Variants in TOPAZ1 observed in about 807,000 individuals in gnomAD.
TOPAZ1 encodes testis and ovary specific TOPAZ 1.
In TOPAZ1, 66 loss-of-function variants were observed where a neutral mutation model predicts 172.2. The observed-to-expected ratio is 0.38, with a 90% confidence interval of 0.31 to 0.47. The LOEUF (loss-of-function observed/expected upper bound fraction) is 0.47. Among genes scored for constraint, TOPAZ1 ranks in the 20% least tolerant of loss-of-function variants. The pLI is 0.99. For synonymous variants in TOPAZ1, 681 were observed against 683.9 expected (o/e 1.00, Z 0.07); for missense variants, 1,822 against 1,972.4 (o/e 0.92, Z 1.44).
chr3:44,260,031 A>G (rs951201980), intron 4 of TOPAZ1, among the ~76,000 whole-genome samples: 1 of 152,062 alleles, frequency 6.6e-6, no homozygotes, highest in Non-Finnish European at 1.5e-5. Context: ...TTCTCATGAA[A>G]TCTGATGGTT....
chr3:44,255,662 A>AAAAAAAAT (rs1244611647), intron 3 of TOPAZ1, among the ~76,000 whole-genome samples: 2 of 80,018 alleles, frequency 2.5e-5, no homozygotes, highest in Non-Finnish European at 4.6e-5. Flanking sequence ...AAAAAAAAAA[A>AAAAAAAAT]ATATATATAC....
Position 44,309,975 on chromosome 3 carries a change from A to G in TOPAZ1, c.4291A>G (p.Ile1431Val). Residue 1431 changes from isoleucine to valine, a missense_variant, in exon 16 of 20, where the codon ATT (isoleucine) becomes GTT (valine). Transcript: ENST00000309765. ...FLKSGSLDGA[I>V]WVMRESEWII... ...AAAAAGTGGAAGCCTAGATGGTGCC[A>G]TTTGGGTAATGAGGGGTAAGTCCTG... 6.5e-7 allele frequency: 1 copy of G among 1,549,216 alleles called. No homozygotes were observed. The highest frequency in any genetic ancestry group is 8.7e-7 in the Non-Finnish European group (1 of 1,146,406).
intron 17 of TOPAZ1, among the ~76,000 whole-genome samples, chr3:44,322,474 T>A (rs988916632): frequency 2.0e-5 from 3 of 152,262 alleles, no homozygotes; most frequent in African/African-American, 7.2e-5. Flanking sequence ...ATGCATCCTC[T>A]GAAATTTTTG....
intron 9 of TOPAZ1, 58 bp from the exon 10 acceptor site, chr3:44,287,331 A>T: frequency 1.0e-6 from 1 of 990,098 alleles, no homozygotes; most frequent in Non-Finnish European, 1.4e-6. Context: ...TATCAAATTT[A>T]AGAAATACAG....
chr3:44,270,437 C>A (rs947864227), intron 7 of TOPAZ1, among the ~76,000 whole-genome samples: 3 of 152,014 alleles, frequency 2.0e-5, no homozygotes, highest in African/African-American at 4.8e-5. Context: ...AAGAGAATAA[C>A]CTTGATGGAA....
At chr3:44,255,243 G>A (rs759464780) in intron 3 of TOPAZ1, among the ~76,000 whole-genome samples, 4 of 152,110 alleles carry the variant, frequency 2.6e-5, no homozygotes, top group Non-Finnish European at 4.4e-5. Flanking sequence ...AAATAACTTT[G>A]TTAGGCTTTA....
chr3:44,276,456 G>A (rs892933974), intron 8 of TOPAZ1, among the ~76,000 whole-genome samples: 32 of 151,754 alleles, frequency 2.1e-4, no homozygotes, highest in African/African-American at 7.7e-4. Context: ...TGTTCTTGGC[G>A]CCTTTGTCAA....
At chr3:44,331,277 C>A (rs1196919783) in intron 19 of TOPAZ1, among the ~76,000 whole-genome samples, 1 of 151,888 alleles carries the variant, frequency 6.6e-6, no homozygotes, top group Non-Finnish European at 1.5e-5. Context: ...GGGTATAAGT[C>A]TTGTTTTGTC....
At chr3:44,301,834 T>C (rs2125698558) in intron 12 of TOPAZ1, among the ~76,000 whole-genome samples, 1 of 152,300 alleles carries the variant, frequency 6.6e-6, no homozygotes, top group East Asian at 1.9e-4. Flanking sequence ...CTGGTGTTTT[T>C]TACCATGCAA....
chr3:44,270,931 T>C, intron 8 of TOPAZ1, 121 bp downstream of exon 8: 2 of 881,846 alleles, frequency 2.3e-6, no homozygotes, highest in South Asian at 2.9e-5. Context: ...GCTTTTGTTC[T>C]TTATATAAAT....
intron 12 of TOPAZ1, among the ~76,000 whole-genome samples, chr3:44,300,612 T>G (rs563700638): frequency 6.6e-6 from 1 of 152,246 alleles, no homozygotes; most frequent in South Asian, 2.1e-4. Context: ...TTAAATATTG[T>G]TAACACCAAA....
rs370374138 is a variant in TOPAZ1, at chr3:44,303,069, T to C, written c.3798-946T>C. Among the ~76,000 whole-genome samples the C allele has an allele frequency of 3.0e-3, 464 of 152,312 alleles. 2 individuals are homozygous for C. The highest frequency in any genetic ancestry group is 0.011 in the African/African-American group (438 of 41,572). The stretch of plus-strand genomic sequence containing the variant: ...GCTGGTCTCAAACTCCTGAGCTCAA[T>C]GGATCTGCCCAACTCGGCCTTCCAG... On this transcript the variant is annotated intron_variant, in intron 12 of 19. Coordinates refer to ENST00000309765, the MANE Select transcript of TOPAZ1 (RefSeq NM_001145030.2).
chr3:44,291,696 A>T (rs1356854790), intron 12 of TOPAZ1, among the ~76,000 whole-genome samples: 2 of 144,632 alleles, frequency 1.4e-5, no homozygotes, highest in African/African-American at 5.1e-5. Flanking sequence ...GCCATGACTT[A>T]AAAAAAAAAA....
Position 44,244,315 on chromosome 3 carries a change from A to T in TOPAZ1, c.1809A>T (p.Arg603Ser), listed in dbSNP as rs1291998613. Residue 603 changes from arginine to serine, a missense_variant, in exon 2 of 20, where the codon AGA (arginine) becomes AGT (serine). Around this residue, in one of 2 missense-constraint regions of TOPAZ1, gnomAD observed 1,489 missense variants for 1,490.8 expected, o/e 1.00. Transcript: ENST00000309765. ...AGATAAAATCAGAGGAACTGAGCAG[A>T]AGAGGGTCAGAGGTAATTTCTAACA... ...DKKIKSEELS[R>S]RGSEVISNTT... The T allele has an allele frequency of 6.4e-7, 1 of 1,550,978 alleles. No individual in the cohort carries two copies. Among genetic ancestry groups the T allele is most frequent in the Non-Finnish European group, 8.7e-7 (1 of 1,146,850 alleles).
At chr3:44,291,205 G>T (rs6441829) in intron 12 of TOPAZ1, among the ~76,000 whole-genome samples, 125,479 of 151,592 alleles carry the variant, frequency 0.83, 51,966 homozygotes, top group Middle Eastern at 0.9. Flanking sequence ...ACCTTAATGC[G>T]TTTTTCTATT....
Position 44,323,105 on chromosome 3 carries a change from C to A in TOPAZ1, c.4485C>A (p.Val1495=). 1 of 1,524,238 alleles carries A rather than the reference C, an allele frequency of 6.6e-7. No homozygotes were observed. Among genetic ancestry groups the A allele is most frequent in the Non-Finnish European group, 8.8e-7 (1 of 1,136,330 alleles). 94.4% of individuals were successfully genotyped at this position (1,524,238 alleles called of 1,614,324 possible). The part of the protein sequence containing the change: ...GFQNSQETVE[V]SQYSLLFNKL... ...TTTTTATTCCAGAAACTGTGGAAGTCTCACAATATAGCCTTCTTTTTAATA... is the reference window on the plus strand; with the variant it reads ...TTTTTATTCCAGAAACTGTGGAAGTATCACAATATAGCCTTCTTTTTAATA... The change falls in exon 18 of 20, where the codon GTC becomes GTA. Residue 1495 remains valine, a synonymous_variant. Transcript: ENST00000309765.
At chr3:44,247,694 A>G (rs1220672919) in intron 2 of TOPAZ1, among the ~76,000 whole-genome samples, 2 of 152,176 alleles carry the variant, frequency 1.3e-5, no homozygotes, top group African/African-American at 4.8e-5. Context: ...TCTGTCACCC[A>G]GGCTGGAGTG....
At position 44,269,246 on chromosome 3, in the gene TOPAZ1, T is replaced by C; in HGVS notation, c.3191T>C (p.Leu1064Pro). 1 of 1,550,088 alleles carries C rather than the reference T, an allele frequency of 6.5e-7. No individual in the cohort carries two copies. The highest frequency in any genetic ancestry group is 2.4e-5 in the East Asian group (1 of 40,890). ...DFRFLGKHSV[L>P]KLQNPETCEI... ...AGATTTCTGGGAAAACATTCTGTCC[T>C]AAAGCTGCAGAATCCTGAAACTTGT... is the stretch of plus-strand genomic sequence containing the variant. The change falls in exon 7 of 20, where the codon CTA (leucine) becomes CCA (proline). Residue 1064 changes from leucine to proline, a missense_variant. This residue lies in a region of TOPAZ1 where 1,489 missense variants were observed against 1,490.8 expected (regional missense o/e 1.00). Coordinates refer to ENST00000309765, the MANE Select transcript of TOPAZ1 (RefSeq NM_001145030.2).
rs1469164069 is a variant in TOPAZ1, at chr3:44,269,205, A to G, written c.3161-11A>G. On this transcript the variant is annotated splice_polypyrimidine_tract_variant and intron_variant, in intron 6 of 19. Coordinates refer to ENST00000309765, the MANE Select transcript of TOPAZ1 (RefSeq NM_001145030.2). ...ATATTGGTGTGTAATGCCACTCTAAATCATTTCTAGATTTCAGATTTCTGG... is the reference window on the plus strand; with the variant it reads ...ATATTGGTGTGTAATGCCACTCTAAGTCATTTCTAGATTTCAGATTTCTGG... The G allele has an allele frequency of 7.3e-6, 11 of 1,497,872 alleles. 1 individual carries two copies. In the South Asian group the frequency reaches 1.1e-4, roughly 15 times the overall value. 92.8% of individuals were successfully genotyped at this position (1,497,872 alleles called of 1,614,324 possible).
Sources: gnomAD v4.1 joint callset for allele counts (sites outside exome capture counted in the v4.1 genomes callset) on GRCh38, gnomAD v4.1.1 for gene constraint, gnomAD v4.1.1 regional missense constraint, MANE v1.5 for transcripts, NCBI Gene and HGNC (gene_info 2026-07-23, HGNC 2026-07-21) for gene names.